Variants in ADCYAP1R1 observed in about 807,000 individuals in gnomAD.
The protein encoded by ADCYAP1R1 is pituitary adenylate cyclase-activating polypeptide type I receptor.
A neutral mutation model predicts 67.6 loss-of-function variants in ADCYAP1R1; 44 were observed. The observed-to-expected ratio is 0.65, with a 90% CI of 0.51 to 0.84. ADCYAP1R1 has a LOEUF of 0.84. ADCYAP1R1 is among the 40% of genes least tolerant of loss of function. ADCYAP1R1 has a pLI of 0.00. For missense variants in ADCYAP1R1, 477 were observed against 587.9 expected, an observed-to-expected ratio of 0.81 and a Z score of 1.95; for synonymous variants, 222 against 219.6, an observed-to-expected ratio of 1.01 and a Z score of -0.10.
intron 4 of ADCYAP1R1, among the ~76,000 whole-genome samples, chr7:31,078,434 C>T (rs556662416): frequency 2.0e-5 from 3 of 152,314 alleles, no homozygotes; most frequent in East Asian, 3.9e-4. Context: ...TAATGTGAAG[C>T]GATGCTGTGG....
chr7:31,067,689 C>A (rs1472556666), intron 3 of ADCYAP1R1, among the ~76,000 whole-genome samples: 1 of 152,190 alleles, frequency 6.6e-6, no homozygotes, highest in East Asian at 1.9e-4. Context: ...CCAGCACCCC[C>A]CCGGGCGCAG....
chr7:31,063,201 A>G lies in ADCYAP1R1; in HGVS notation c.-64A>G. ...CCTTTCCTTCCTCTCTAGCCCAGAG[A>G]CACATTGGGGCTGACCTGCCGCTGC... On this transcript the variant is annotated 5_prime_UTR_variant, in exon 2 of 16. Transcript: ENST00000304166. 1 of 1,596,594 alleles carries G rather than the reference A, an allele frequency of 6.3e-7. No individual in the cohort carries two copies. Among genetic ancestry groups the G allele is most frequent in the Non-Finnish European group, 8.6e-7 (1 of 1,164,164 alleles).
Position 31,086,765 on chromosome 7 carries a change from C to T in ADCYAP1R1, c.824-178C>T, listed in dbSNP as rs541047001. Among the ~76,000 whole-genome samples, 2 of 152,204 alleles carry T rather than the reference C, an allele frequency of 1.3e-5. No individual in the cohort carries two copies. The highest frequency in any genetic ancestry group is 4.2e-4 in the South Asian group (2 of 4,812). ...AGGAGTCCTCTGAGAGACAAGACAG[C>T]CCTTGGTCTGAGGGAGATATAGACC... On this transcript the variant is annotated intron_variant, in intron 10 of 15. Transcript: ENST00000304166. The surrounding 1 kb of genome is among the most constrained non-coding windows in gnomAD (Gnocchi z 5.0).
chr7:31,076,824 AG>A (rs1037548635), intron 3 of ADCYAP1R1, among the ~76,000 whole-genome samples: 7 of 151,846 alleles, frequency 4.6e-5, no homozygotes, highest in Non-Finnish European at 7.4e-5. Context: ...GGCCCTGCTG[AG>A]GGGGTGGATC....
At chr7:31,099,996 C>T in intron 13 of ADCYAP1R1, 1 of 853,520 alleles carries the variant, frequency 1.2e-6, no homozygotes, top group Non-Finnish European at 1.9e-6. Flanking sequence ...CCTTGGCTCC[C>T]TCATTCTCCT....
chr7:31,077,963 C>G (rs540640884), intron 3 of ADCYAP1R1, 28 bp from the exon 4 acceptor site: 2 of 1,545,816 alleles, frequency 1.3e-6, no homozygotes, highest in African/African-American at 2.7e-5. Context: ...GTGGCTGGCC[C>G]CTCTCACCAT....
intron 7 of ADCYAP1R1, 79 bp from the exon 8 acceptor site, chr7:31,084,658 A>C (rs1795661771): frequency 8.4e-7 from 1 of 1,194,250 alleles, no homozygotes; most frequent in Non-Finnish European, 1.3e-6. Flanking sequence ...CTGGCCTGGG[A>C]GACTGGGTGC....
Position 31,109,954 on chromosome 7 carries a change from T to G in ADCYAP1R1, c.*3270T>G, listed in dbSNP as rs1796794317. On this transcript the variant is annotated 3_prime_UTR_variant, in exon 16 of 16. Coordinates refer to ENST00000304166, the MANE Select transcript of ADCYAP1R1 (RefSeq NM_001118.5). Reference sequence around the variant, plus strand: ...GACACATCCAGTGGCCTACAGCGACTCTTCTCTAACCCCACCCCCTCCAAG... The same window carrying G: ...GACACATCCAGTGGCCTACAGCGACGCTTCTCTAACCCCACCCCCTCCAAG... The G allele has an allele frequency of 6.6e-6, 1 of 152,170 alleles. No homozygotes were observed. The highest frequency in any genetic ancestry group is 1.5e-5 in the Non-Finnish European group (1 of 68,196). 9.4% of individuals were successfully genotyped at this position (152,170 alleles called of 1,614,324 possible).
At chr7:31,077,912 G>A in intron 3 of ADCYAP1R1, 79 bp from the exon 4 acceptor site, 2 of 876,026 alleles carry the variant, frequency 2.3e-6, no homozygotes, top group East Asian at 5.1e-5. Context: ...GTGTATGTTG[G>A]TGTGTGTGAT....
intron 3 of ADCYAP1R1, among the ~76,000 whole-genome samples, chr7:31,077,582 ATGTG>A (rs1281663568): frequency 8.9e-6 from 1 of 112,564 alleles, no homozygotes; most frequent in Admixed American, 9.6e-5. Context: ...TGTGTGTTGT[ATGTG>A]TGTGTGATGT....
chr7:31,110,094 A>G lies in ADCYAP1R1; in HGVS notation c.*3410A>G, dbSNP rs918974920. The G allele has an allele frequency of 7.2e-6, 1 of 138,210 alleles. No homozygotes were observed. Among genetic ancestry groups the G allele is most frequent in the African/African-American group, 2.7e-5 (1 of 36,516 alleles). The allele number at this position is 138,210 out of a possible 1,614,324, so 8.6% of individuals were successfully genotyped here. On this transcript the variant is annotated 3_prime_UTR_variant, in exon 16 of 16. Coordinates refer to ENST00000304166, the MANE Select transcript of ADCYAP1R1 (RefSeq NM_001118.5). ...CACTCACCTCTCTCATCTGATCCTCACTCTTTGTGGAAGGGAAAGCTCAAA... is the reference window on the plus strand; with the variant it reads ...CACTCACCTCTCTCATCTGATCCTCGCTCTTTGTGGAAGGGAAAGCTCAAA...
chr7:31,095,873 T>G (rs1413571143), intron 13 of ADCYAP1R1: 1 of 631,928 alleles, frequency 1.6e-6, no homozygotes. Context: ...ACGGTGGCAC[T>G]GAGCCACTCG....
At chr7:31,099,183 C>A (rs1246362947) in intron 13 of ADCYAP1R1, among the ~76,000 whole-genome samples, 1 of 152,122 alleles carries the variant, frequency 6.6e-6, no homozygotes, top group Non-Finnish European at 1.5e-5. Flanking sequence ...GCAGCCTGGG[C>A]CCCCCTCCTT....
intron 1 of ADCYAP1R1, among the ~76,000 whole-genome samples, chr7:31,060,148 T>G (rs180704973): frequency 8.5e-4 from 129 of 152,248 alleles, no homozygotes; most frequent in African/African-American, 3.0e-3. Flanking sequence ...GGAGCTTGTC[T>G]TCAGTCCACC....
chr7:31,072,001 AGC>A (rs1795010870), intron 3 of ADCYAP1R1, among the ~76,000 whole-genome samples: 3 of 27,936 alleles, frequency 1.1e-4, no homozygotes, highest in Non-Finnish European at 1.5e-4. Context: ...CCATCCATCC[AGC>A]CACCCACCCA....
At chr7:31,079,607 C>A (rs1264467635) in intron 4 of ADCYAP1R1, among the ~76,000 whole-genome samples, 7 of 152,220 alleles carry the variant, frequency 4.6e-5, no homozygotes, top group Non-Finnish European at 1.0e-4. Flanking sequence ...ATTCCAATAA[C>A]TGACTCTGTC....
chr7:31,092,709 G>A lies in ADCYAP1R1; in HGVS notation c.1020G>A (p.Met340Ile). The A allele has an allele frequency of 6.2e-7, 1 of 1,613,006 alleles. No individual in the cohort carries two copies. Among genetic ancestry groups the A allele is most frequent in the African/African-American group, 1.3e-5 (1 of 74,888 alleles). The change falls in exon 13 of 16, where the codon ATG becomes ATA. Residue 340 changes from methionine to isoleucine, a missense_variant. By Grantham distance (10) the Met-to-Ile change is conservative (BLOSUM62 1). Coordinates refer to ENST00000304166, the MANE Select transcript of ADCYAP1R1 (RefSeq NM_001118.5). ...TGCAGAAACTTCAGTCTCCAGACAT[G>A]GGAGGCAATGAGTCCAGCATCTACT... ...ILVQKLQSPD[M>I]GGNESSIYLR... is the part of the protein sequence containing the mutation.
At chr7:31,070,891 A>G (rs767632858) in intron 3 of ADCYAP1R1, among the ~76,000 whole-genome samples, 1 of 152,168 alleles carries the variant, frequency 6.6e-6, no homozygotes, top group Non-Finnish European at 1.5e-5. Context: ...ATATCTTGAG[A>G]ATCACTGACT....
chr7:31,095,643 C>G, intron 13 of ADCYAP1R1: 1 of 717,660 alleles, frequency 1.4e-6, no homozygotes, highest in Non-Finnish European at 2.6e-6. Flanking sequence ...CAACAGCTCT[C>G]CGGTTTTTTC....
Sources: gnomAD v4.1 joint callset for allele counts (sites outside exome capture counted in the v4.1 genomes callset) on GRCh38, gnomAD v4.1.1 for gene constraint, Gnocchi (gnomAD v3.1) non-coding constraint, MANE v1.5 for transcripts, NCBI Gene and HGNC (gene_info 2026-07-23, HGNC 2026-07-21) for gene names.